MASP1: variants seen among roughly 807,000 people sequenced by gnomAD.
The protein encoded by MASP1 is MBL associated serine protease 1, also known as mannan-binding lectin serine protease 1.
A neutral mutation model predicts 77.1 loss-of-function variants in MASP1; 59 were observed. That is an observed-to-expected ratio of 0.77 (90% confidence interval 0.62 to 0.95). MASP1 has a LOEUF of 0.95. Among genes scored for constraint, MASP1 ranks in the 40% least tolerant of loss-of-function variants. The probability of loss-of-function intolerance (pLI) is 0.00; values close to 1 mark genes in which losing one functional copy is unlikely to be tolerated. For missense variants in MASP1, 885 were observed against 912.9 expected (o/e 0.97, Z 0.39); for synonymous variants, 362 against 354.5 (o/e 1.02, Z -0.24).
chr3:187,235,310 A>T lies in MASP1; in HGVS notation c.*374T>A, dbSNP rs1211074598. On this transcript the variant is annotated 3_prime_UTR_variant, in exon 11 of 11. Transcript: ENST00000296280. ...GTCAGGTCCAAGCTCAGTTATACCA[A>T]CAGTAGGACCGATGGGTTTGATAAG... is the stretch of plus-strand genomic sequence containing the variant. The T allele has an allele frequency of 7.5e-7, 1 of 1,335,834 alleles. No homozygotes were observed. Among genetic ancestry groups the T allele is most frequent in the Admixed American group, 2.2e-5 (1 of 44,848 alleles). 82.7% of individuals were successfully genotyped at this position (1,335,834 alleles called of 1,614,324 possible).
At chr3:187,289,508 C>T (rs994605497) in intron 1 of MASP1, among the ~76,000 whole-genome samples, 3 of 152,210 alleles carry the variant, frequency 2.0e-5, no homozygotes, top group African/African-American at 7.2e-5. Flanking sequence ...CATGCCCAGG[C>T]ATCTGGCCAA....
At chr3:187,243,276 G>A (rs1713806926) in intron 9 of MASP1, 2 of 608,536 alleles carry the variant, frequency 3.3e-6, no homozygotes, top group Non-Finnish European at 2.9e-6. Flanking sequence ...TTTTGGTTTT[G>A]AGACTGTTTC....
intron 5 of MASP1, among the ~76,000 whole-genome samples, 193 bp from the exon 6 acceptor site, chr3:187,253,508 A>T (rs3105782): frequency 6.6e-6 from 1 of 151,808 alleles, no homozygotes; most frequent in South Asian, 2.1e-4. Context: ...CTCTTTTATA[A>T]TTTACAATGG....
chr3:187,273,044 G>A (rs903658509), intron 2 of MASP1, among the ~76,000 whole-genome samples: 1 of 152,194 alleles, frequency 6.6e-6, no homozygotes, highest in Non-Finnish European at 1.5e-5. Context: ...GAGAAAAACA[G>A]GACTGCTGAG....
chr3:187,226,614 C>A (rs1712451318), intron 11 of MASP1: 1 of 825,688 alleles, frequency 1.2e-6, no homozygotes, highest in Admixed American at 2.0e-5. Flanking sequence ...TCCAGAGGAC[C>A]CCTCAAGACC....
At chr3:187,240,265 A>G (rs1713522650) in intron 10 of MASP1, among the ~76,000 whole-genome samples, 1 of 152,064 alleles carries the variant, frequency 6.6e-6, no homozygotes, top group African/African-American at 2.4e-5. Context: ...CTGTAGGGTT[A>G]CTGAAATGTA....
intron 2 of MASP1, among the ~76,000 whole-genome samples, chr3:187,270,866 G>C (rs1456659273): frequency 1.3e-5 from 2 of 152,162 alleles, no homozygotes; most frequent in Non-Finnish European, 2.9e-5. Context: ...ATGACCTTCA[G>C]ACATGCCTCT....
At chr3:187,281,136 T>C (rs1717375311) in intron 2 of MASP1, among the ~76,000 whole-genome samples, 1 of 152,260 alleles carries the variant, frequency 6.6e-6, no homozygotes, top group African/African-American at 2.4e-5. Context: ...TACAGGAATC[T>C]AAACATTGCA....
At chr3:187,236,687 C>T (rs1579483436) in intron 10 of MASP1, 120 bp from the exon 11 acceptor site, 1 of 1,556,586 alleles carries the variant, frequency 6.4e-7, no homozygotes, top group East Asian at 2.3e-5. Flanking sequence ...CCATGGGACC[C>T]TAACCTGCCT....
At chr3:187,241,603 T>A (rs1406130069) in intron 9 of MASP1, 48 bp from the exon 10 acceptor site, 2 of 1,222,450 alleles carry the variant, frequency 1.6e-6, no homozygotes, top group Non-Finnish European at 2.4e-6. Context: ...ATGGTTGATT[T>A]GTAACACATG....
In MASP1 at chr3:187,256,648, T is replaced by C. The variant is rs761159499; in HGVS notation, c.744+16A>G. 1.9e-6 allele frequency: 3 copies of C among 1,613,412 alleles called. No individual in the cohort carries two copies. Among genetic ancestry groups the C allele is most frequent in the East Asian group, 2.2e-5 (1 of 44,870 alleles). Reference sequence around the variant, plus strand: ...TTTTCCAGCATCTCCAGGACAAGTGTTCATTGCAGGCTCACCTTGATGTAG... The same window carrying C: ...TTTTCCAGCATCTCCAGGACAAGTGCTCATTGCAGGCTCACCTTGATGTAG... On this transcript the variant is annotated intron_variant, in intron 5 of 10. Transcript: ENST00000296280.
At chr3:187,252,164 C>T (rs1714666376) in intron 6 of MASP1, among the ~76,000 whole-genome samples, 1 of 152,176 alleles carries the variant, frequency 6.6e-6, no homozygotes, top group South Asian at 2.1e-4. Flanking sequence ...CCTCCCTCAG[C>T]CACCACCCCT....
At chr3:187,227,270 G>T (rs12638131) in intron 11 of MASP1, among the ~76,000 whole-genome samples, 35,475 of 152,160 alleles carry the variant, frequency 0.23, 4,646 homozygotes, top group East Asian at 0.46. Flanking sequence ...AGAAAGCAGA[G>T]ATGTCCAGGG....
At chr3:187,285,708 T>C (rs1717789941) in intron 2 of MASP1, 117 bp downstream of exon 2, 1 of 816,338 alleles carries the variant, frequency 1.2e-6, no homozygotes, top group Non-Finnish European at 2.1e-6. Flanking sequence ...ATTCATACCA[T>C]TGTGATGTTG....
Position 187,253,307 on chromosome 3 carries a change from A to G in MASP1, c.753T>C (p.Val251=), listed in dbSNP as rs527250528. Residue 251 remains valine, a synonymous_variant, in exon 6 of 11, where the codon GTT becomes GTC. Coordinates refer to ENST00000296280, the MANE Select transcript of MASP1 (RefSeq NM_139125.4). Reference sequence around the variant, plus strand: ...AGAAAGGCCCCAAAACTTTTGGACCAACTTTGATCTGCAAAATATGAGAGA... The same window carrying G: ...AGAAAGGCCCCAAAACTTTTGGACCGACTTTGATCTGCAAAATATGAGAGA... ...PCPYDYIKIK[V]GPKVLGPFCG... is the part of the protein sequence containing the mutation. 2.5e-6 allele frequency: 4 copies of G among 1,614,130 alleles called. No homozygotes were observed. Among genetic ancestry groups the G allele is most frequent in the Non-Finnish European group, 3.4e-6 (4 of 1,180,004 alleles).
At chr3:187,277,749 T>C (rs1717077139) in intron 2 of MASP1, among the ~76,000 whole-genome samples, 1 of 152,186 alleles carries the variant, frequency 6.6e-6, no homozygotes, top group African/African-American at 2.4e-5. Flanking sequence ...TTAGGTGCAA[T>C]AATCCGTGCT....
intron 8 of MASP1, among the ~76,000 whole-genome samples, chr3:187,248,327 G>C (rs902061193): frequency 1.3e-5 from 2 of 152,190 alleles, no homozygotes; most frequent in Non-Finnish European, 2.9e-5. Context: ...TGGGGCAGGA[G>C]GAGTCCGTTT....
intron 10 of MASP1, among the ~76,000 whole-genome samples, chr3:187,236,983 T>C (rs542928154): frequency 6.6e-6 from 1 of 152,330 alleles, no homozygotes; most frequent in Admixed American, 6.5e-5. Context: ...AGAATACTTC[T>C]GAAAGTTTTC....
At chr3:187,256,465 T>G in intron 5 of MASP1, 199 bp downstream of exon 5, 1 of 633,124 alleles carries the variant, frequency 1.6e-6, no homozygotes, top group Non-Finnish European at 2.8e-6. Flanking sequence ...TAGTGGCCAG[T>G]GGGGTCATTT....
Sources: allele counts gnomAD v4.1 joint callset (sites outside exome capture counted in the v4.1 genomes callset), GRCh38; gene constraint gnomAD v4.1.1; transcripts MANE v1.5; gene names NCBI Gene and HGNC (gene_info 2026-07-23, HGNC 2026-07-21).